Variants in SNAP91 observed in about 807,000 individuals in gnomAD.
SNAP91 encodes the protein clathrin coat assembly protein AP180.
In SNAP91, 27 loss-of-function variants were observed where a neutral mutation model predicts 100.3. The ratio of observed to expected loss-of-function variants is 0.27; its 90% confidence interval spans 0.20 to 0.37. The LOEUF (loss-of-function observed/expected upper bound fraction) is 0.37, where lower values mean the gene tolerates loss of function less well. Among genes scored for constraint, SNAP91 ranks in the 10% least tolerant of loss-of-function variants. SNAP91 has a pLI of 1.00. For synonymous variants in SNAP91, 404 were observed against 398.6 expected (o/e 1.01, Z -0.16); for missense variants, 986 against 1,123.7 (o/e 0.88, Z 1.75).
chr6:83,562,571 G>A (rs1365760217), intron 26 of SNAP91, among the ~76,000 whole-genome samples: 1 of 152,104 alleles, frequency 6.6e-6, no homozygotes, highest in African/African-American at 2.4e-5. Context: ...TCCTTAAGGT[G>A]GTCATCTAGA....
chr6:83,685,496 AGACTAT>A (rs1281916199), intron 2 of SNAP91, among the ~76,000 whole-genome samples: 173 of 152,366 alleles, frequency 1.1e-3, no homozygotes, highest in African/African-American at 4.0e-3. Flanking sequence ...GCAGGTTGTA[AGACTAT>A]AACACACTGT....
chr6:83,593,206 G>T lies in SNAP91; in HGVS notation c.1750C>A (p.Pro584Thr). ...CCTGTACTAAACAGGTCTATGCTAG[G>T]AGCAGCATCTGGCTTAGGCGCTGCA... ...VAAAPKPDAA[P>T]SIDLFSTDAF... Residue 584 changes from proline to threonine, a missense_variant, in exon 19 of 30, where the codon CCT becomes ACT. Around this residue, in one of 4 missense-constraint regions of SNAP91, gnomAD observed 575 missense variants for 579.9 expected, o/e 0.99. Coordinates refer to ENST00000369694, the MANE Select transcript of SNAP91 (RefSeq NM_001242792.2). The T allele has an allele frequency of 6.3e-7, 1 of 1,595,582 alleles. No homozygotes were observed. Among genetic ancestry groups the T allele is most frequent in the Non-Finnish European group, 8.5e-7 (1 of 1,170,626 alleles).
intron 26 of SNAP91, among the ~76,000 whole-genome samples, chr6:83,562,883 C>G (rs1790313567): frequency 6.6e-6 from 1 of 152,160 alleles, no homozygotes; most frequent in Non-Finnish European, 1.5e-5. Flanking sequence ...CTGGATGGCT[C>G]CCCACTTCCC....
At chr6:83,652,978 C>T (rs1313920663) in intron 7 of SNAP91, among the ~76,000 whole-genome samples, 1 of 152,170 alleles carries the variant, frequency 6.6e-6, no homozygotes, top group African/African-American at 2.4e-5. Context: ...TGCTCCTCCA[C>T]AGACAAGGTG....
In SNAP91 at chr6:83,601,266, C is replaced by G. The variant is rs775129568; in HGVS notation, c.1324+5G>C. ...AAAATGAAAGTAGCAGCGAGACTAA[C>G]TAACCTCCAAAGAGATCCACTTCAG... On this transcript the variant is annotated splice_donor_5th_base_variant and intron_variant, in intron 16 of 29. Coordinates refer to ENST00000369694, the MANE Select transcript of SNAP91 (RefSeq NM_001242792.2). 1 of 1,613,044 alleles carries G rather than the reference C, an allele frequency of 6.2e-7. No individual in the cohort carries two copies. Among genetic ancestry groups the G allele is most frequent in the South Asian group, 1.1e-5 (1 of 90,948 alleles).
chr6:83,690,706 T>TCA (rs1174143944), intron 2 of SNAP91, among the ~76,000 whole-genome samples: 4 of 152,070 alleles, frequency 2.6e-5, no homozygotes, highest in Non-Finnish European at 5.9e-5. Context: ...CTAGGACCTT[T>TCA]CAATTTTTAA....
At chr6:83,578,489 T>C (rs1823047827) in intron 24 of SNAP91, among the ~76,000 whole-genome samples, 1 of 152,208 alleles carries the variant, frequency 6.6e-6, no homozygotes, top group African/African-American at 2.4e-5. Flanking sequence ...CATGTGCATA[T>C]TGGCCATCTG....
chr6:83,579,671 G>A (rs1379795560), intron 24 of SNAP91, among the ~76,000 whole-genome samples: 1 of 152,108 alleles, frequency 6.6e-6, no homozygotes, highest in Non-Finnish European at 1.5e-5. Flanking sequence ...CTCAGCTCTA[G>A]CCACTCATCT....
At chr6:83,560,725 T>TAA in intron 27 of SNAP91, 139 bp downstream of exon 27, 1 of 714,092 alleles carries the variant, frequency 1.4e-6, no homozygotes, top group East Asian at 2.7e-5. Flanking sequence ...ACCTAAGGTT[T>TAA]AAAGCAGATG....
chr6:83,634,384 G>A (rs949351455), intron 8 of SNAP91, among the ~76,000 whole-genome samples: 3 of 152,148 alleles, frequency 2.0e-5, no homozygotes, highest in African/African-American at 7.2e-5. Flanking sequence ...TGTGTTCAGG[G>A]GCAGAGGATC....
At chr6:83,591,610 A>T (rs2093756882) in intron 21 of SNAP91, among the ~76,000 whole-genome samples, 1 of 152,202 alleles carries the variant, frequency 6.6e-6, no homozygotes, top group Non-Finnish European at 1.5e-5. Flanking sequence ...CTTTTTACCT[A>T]AAGGTAATAA....
At chr6:83,564,443 T>C (rs1043160968) in intron 26 of SNAP91, among the ~76,000 whole-genome samples, 1 of 151,850 alleles carries the variant, frequency 6.6e-6, no homozygotes, top group African/African-American at 2.4e-5. Flanking sequence ...GCTCAAGTGA[T>C]TCTCTACTTC....
chr6:83,586,138 C>A (rs1035196396), intron 22 of SNAP91, among the ~76,000 whole-genome samples: 1 of 152,180 alleles, frequency 6.6e-6, no homozygotes, highest in South Asian at 2.1e-4. Context: ...GCATGAGCCA[C>A]CGTGCCCGGC....
intron 14 of SNAP91, among the ~76,000 whole-genome samples, chr6:83,603,393 A>AT (rs146515593): frequency 0.066 from 9,985 of 150,962 alleles, 1,064 homozygotes; most frequent in African/African-American, 0.22. Context: ...CCTTTTTGTG[A>AT]TTTTTTTTTC....
At chr6:83,594,574 C>T in intron 16 of SNAP91, 93 bp from the exon 17 acceptor site, 1 of 723,882 alleles carries the variant, frequency 1.4e-6, no homozygotes, top group South Asian at 2.2e-5. Flanking sequence ...AAGAAGGCTC[C>T]CTTATACAAC....
At chr6:83,638,849 C>T (rs1227779831) in intron 8 of SNAP91, among the ~76,000 whole-genome samples, 1 of 152,124 alleles carries the variant, frequency 6.6e-6, no homozygotes, top group African/African-American at 2.4e-5. Flanking sequence ...GATGTAGCTC[C>T]TACGATTCCG....
chr6:83,604,355 T>C (rs1490074818), intron 14 of SNAP91, among the ~76,000 whole-genome samples: 1 of 152,146 alleles, frequency 6.6e-6, no homozygotes, highest in Non-Finnish European at 1.5e-5. Context: ...ATTTTAAAAA[T>C]TGATAGCTGT....
intron 8 of SNAP91, among the ~76,000 whole-genome samples, chr6:83,630,939 TG>T (rs1327318050): frequency 1.3e-5 from 2 of 152,110 alleles, no homozygotes; most frequent in Non-Finnish European, 2.9e-5. Context: ...TTAGACTGTC[TG>T]TTTGTGTTCT....
At chr6:83,579,255 T>G (rs1416693355) in intron 24 of SNAP91, among the ~76,000 whole-genome samples, 1 of 152,168 alleles carries the variant, frequency 6.6e-6, no homozygotes, top group Non-Finnish European at 1.5e-5. Flanking sequence ...CAAAGGTGGT[T>G]GACAGCTGAG....
Sources: gnomAD v4.1 joint callset for allele counts (sites outside exome capture counted in the v4.1 genomes callset) on GRCh38, gnomAD v4.1.1 for gene constraint, gnomAD v4.1.1 regional missense constraint, MANE v1.5 for transcripts, NCBI Gene and HGNC (gene_info 2026-07-23, HGNC 2026-07-21) for gene names.